The following PLXNB3 variants were observed in gnomAD, a reference collection of about 807,000 sequenced individuals.
The protein encoded by PLXNB3 is plexin B3.
A neutral mutation model predicts 125.7 loss-of-function variants in PLXNB3; 80 were observed. The observed-to-expected ratio is 0.64, with a 90% confidence interval of 0.53 to 0.77. The LOEUF (loss-of-function observed/expected upper bound fraction) is 0.77, where lower values mean the gene tolerates loss of function less well. Among genes scored for constraint, PLXNB3 ranks in the 30% least tolerant of loss-of-function variants. The pLI is 0.00. For missense variants in PLXNB3, 1,836 were observed against 1,729.3 expected (o/e 1.06, Z -1.09); for synonymous variants, 954 against 783.3 (o/e 1.22, Z -3.64).
At position 153,772,276 on chromosome X, in the gene PLXNB3, T is replaced by C; in HGVS notation, c.2764T>C (p.Phe922Leu). 8.3e-7 allele frequency: 1 copy of C among 1,200,881 alleles called. No homozygotes were observed. The highest frequency in any genetic ancestry group is 1.1e-6 in the Non-Finnish European group (1 of 886,971). The change falls in exon 16 of 36, where the codon TTC becomes CTC. Residue 922 changes from phenylalanine (F) to leucine (L), a missense_variant. Phe to Leu is a conservative substitution (Grantham distance 22). Transcript: ENST00000361971. The stretch of plus-strand genomic sequence containing the variant: ...GCCACCAGGCATCTCAAGCCAGCAC[T>C]TCACCTACCAGGTCAGTGGCCTCCC... ...SQPPGISSQH[F>L]TYQDPVLLSL...
At chrX:153,770,468 C>A (rs1557061292) in intron 9 of PLXNB3, 22 bp downstream of exon 9, 4 of 1,202,093 alleles carry the variant, frequency 3.3e-6, no homozygotes, top group Admixed American at 4.4e-5. Flanking sequence ...GGCCTGCCTC[C>A]TGGGGTAGGG....
chrX:153,772,607 G>A, intron 16 of PLXNB3: 3 of 784,768 alleles, frequency 3.8e-6, no homozygotes, highest in Non-Finnish European at 5.1e-6. Flanking sequence ...CAGGTCTGGG[G>A]GCTGTAAGCT....
chrX:153,774,113 C>T lies in PLXNB3; in HGVS notation c.3519+15C>T, dbSNP rs782748719. On this transcript the variant is annotated intron_variant, in intron 20 of 35. Coordinates refer to ENST00000361971, the MANE Select transcript of PLXNB3 (RefSeq NM_005393.3). ...TGGATGTGGAGGTGAGGGCCACCTTCAACCCTGCCCCGCCACGGTGCTCAG... is the reference window on the plus strand; with the variant it reads ...TGGATGTGGAGGTGAGGGCCACCTTTAACCCTGCCCCGCCACGGTGCTCAG... 1.7e-6 allele frequency: 2 copies of T among 1,188,622 alleles called. No individual in the cohort carries two copies. The highest frequency in any genetic ancestry group is 3.7e-5 in the South Asian group (2 of 54,679).
intron 25 of PLXNB3, 26 bp downstream of exon 25, chrX:153,775,429 CG>C (rs2148428674): frequency 8.4e-7 from 1 of 1,194,823 alleles, no homozygotes; most frequent in Non-Finnish European, 1.1e-6. Flanking sequence ...GACCCGGTGG[CG>C]GGGGTGAGGG....
chrX:153,771,685 A>T, intron 14 of PLXNB3, 30 bp downstream of exon 14: 1 of 1,157,273 alleles, frequency 8.6e-7, no homozygotes, highest in East Asian at 3.0e-5. Context: ...CCCACAGCCC[A>T]GTGGCCCACT....
rs781827670 is a variant in PLXNB3, at chrX:153,767,587, C to T, written c.760C>T (p.Arg254Trp). ...CTTCGTGTTCCGCCGCCGCGGGGCC[C>T]GGGCCCAGGCTGAGTACCGCTCCTA... is the stretch of plus-strand genomic sequence containing the variant. The part of the protein sequence containing the change: ...AYFVFRRRGA[R>W]AQAEYRSYVA... The change falls in exon 3 of 36, where the codon CGG (arginine) becomes TGG (tryptophan). Residue 254 changes from arginine (R) to tryptophan (W), a missense_variant. By Grantham distance (101) the Arg-to-Trp change is moderately radical (BLOSUM62 -3). Coordinates refer to ENST00000361971, the MANE Select transcript of PLXNB3 (RefSeq NM_005393.3). The T allele has an allele frequency of 2.6e-5, 31 of 1,174,825 alleles. No homozygotes were observed. Among genetic ancestry groups the T allele is most frequent in the African/African-American group, 3.5e-5 (2 of 56,746 alleles).
intron 4 of PLXNB3, 133 bp from the exon 5 acceptor site, chrX:153,768,815 G>A: frequency 8.3e-6 from 6 of 726,063 alleles, no homozygotes; most frequent in Non-Finnish European, 1.2e-5. Flanking sequence ...GGGAAGTGAT[G>A]TGTCCTCCCT....
intron 2 of PLXNB3, chrX:153,766,006 T>C: frequency 1.3e-6 from 1 of 752,384 alleles, no homozygotes; most frequent in African/African-American, 2.3e-5. Flanking sequence ...CAGCCAGCTC[T>C]CCTGGTCTGC....
In PLXNB3 at chrX:153,778,408, C is replaced by G; in HGVS notation, c.5487C>G (p.Asp1829Glu). The G allele has an allele frequency of 8.3e-7, 1 of 1,211,569 alleles. No homozygotes were observed. The highest frequency in any genetic ancestry group is 1.1e-6 in the Non-Finnish European group (1 of 895,437). Reference sequence around the variant, plus strand: ...TCTGCTCCTCCAGGTACTATGCGGACATTCGCCAGAGCTCTCCGGCGAGCT... The same window carrying G: ...TCTGCTCCTCCAGGTACTATGCGGAGATTCGCCAGAGCTCTCCGGCGAGCT... Reference protein sequence around the residue: ...YKQMVERYYADIRQSSPASYQ... With the variant: ...YKQMVERYYAEIRQSSPASYQ... Residue 1829 changes from aspartate (D) to glutamate (E), a missense_variant, in exon 34 of 36, where the codon GAC becomes GAG. By Grantham distance (45) the Asp-to-Glu change is conservative. Transcript: ENST00000361971.
rs1557061452 is a variant in PLXNB3 at position 153,770,645 on chromosome X, G to A, written c.2010+3G>A. ...GGACCATCTACAGCGCCCAGGAGGT[G>A]GGTGGGCCCGAACTTCGGGCAGAGA... On this transcript the variant is annotated splice_donor_region_variant and intron_variant, in intron 10 of 35. Coordinates refer to ENST00000361971, the MANE Select transcript of PLXNB3 (RefSeq NM_005393.3). The A allele has an allele frequency of 8.3e-7, 1 of 1,208,808 alleles. No individual in the cohort carries two copies. Among genetic ancestry groups the A allele is most frequent in the Admixed American group, 2.2e-5 (1 of 46,039 alleles).
In PLXNB3 at chrX:153,766,324, G is replaced by A. The variant is rs1557059170; in HGVS notation, c.46-549G>A. The A allele has an allele frequency of 4.3e-6, 5 of 1,154,804 alleles. No individual in the cohort carries two copies. The Admixed American group carries it at 1.3e-4, about 31-fold the overall frequency. Reference sequence around the variant, plus strand: ...CTTGCAGCCGGCCCTGGCTGCCCAAGGCAGGTTTTCTCTCCCTGTCTGGTC... The same window carrying A: ...CTTGCAGCCGGCCCTGGCTGCCCAAAGCAGGTTTTCTCTCCCTGTCTGGTC... On this transcript the variant is annotated intron_variant, in intron 2 of 35. Transcript: ENST00000361971.
At chrX:153,768,467 T>A (rs1313553775) in intron 4 of PLXNB3, 39 bp downstream of exon 4, 2 of 1,130,539 alleles carry the variant, frequency 1.8e-6, no homozygotes, top group Admixed American at 4.8e-5. Context: ...GGTGTGCCCC[T>A]GGCCACGGAG....
Position 153,767,077 on chromosome X carries a change from G to A in PLXNB3, c.250G>A (p.Glu84Lys), listed in dbSNP as rs781991732. 4.1e-6 allele frequency: 5 copies of A among 1,210,458 alleles called. No homozygotes were observed. The highest frequency in any genetic ancestry group is 3.0e-5 in the East Asian group (1 of 33,831). The change falls in exon 3 of 36, where the codon GAG (glutamate) becomes AAG (lysine). Residue 84 changes from glutamate to lysine, a missense_variant. Physicochemically the swap from Glu to Lys is moderately conservative, Grantham distance 56. Transcript: ENST00000361971. ...LFQLSPELQL[E>K]AVAVTGPVID... ...CCAGCTCAGCCCCGAGCTGCAGCTC[G>A]AGGCCGTGGCTGTCACTGGCCCTGT...
chrX:153,777,318 C>T lies in PLXNB3; in HGVS notation c.5038C>T (p.Arg1680Cys), dbSNP rs199536649. ...AKVRCSSLRE[R>C]EPARAKAIPE... The stretch of plus-strand genomic sequence containing the variant: ...GGTGCGGTGCAGCAGCCTGCGGGAG[C>T]GCGAGCCAGCAAGGGCCAAGGCCAT... Residue 1680 changes from arginine (R) to cysteine (C), a missense_variant, in exon 30 of 36, where the codon CGC (arginine) becomes TGC (cysteine). By Grantham distance (180) the Arg-to-Cys change is radical. Coordinates refer to ENST00000361971, the MANE Select transcript of PLXNB3 (RefSeq NM_005393.3). The T allele has an allele frequency of 8.3e-6, 10 of 1,205,236 alleles. No homozygotes were observed. The highest frequency in any genetic ancestry group is 6.6e-5 in the Admixed American group (3 of 45,781).
At chrX:153,766,357 G>A (rs1557059191) in intron 2 of PLXNB3, 4 of 1,127,717 alleles carry the variant, frequency 3.5e-6, no homozygotes, top group South Asian at 2.2e-5. Flanking sequence ...GTCCCTTGGG[G>A]CACACGGTGG....
At chrX:153,771,837 C>G in intron 14 of PLXNB3, 27 bp from the exon 15 acceptor site, 1 of 1,199,508 alleles carries the variant, frequency 8.3e-7, no homozygotes, top group South Asian at 1.8e-5. Context: ...GCGGGGGACC[C>G]CATCTGCCAT....
At chrX:153,769,321 C>G (rs1237134342) in intron 6 of PLXNB3, 59 bp downstream of exon 6, 5 of 976,352 alleles carry the variant, frequency 5.1e-6, no homozygotes, top group Non-Finnish European at 7.1e-6. Context: ...CACGAGGCTG[C>G]CCCTGGAAGT....
At chrX:153,765,808 G>C in intron 2 of PLXNB3, 3 of 754,543 alleles carry the variant, frequency 4.0e-6, no homozygotes, top group Non-Finnish European at 4.7e-6. Context: ...GAGTCGCAGC[G>C]GCCCCACTCC....
At position 153,767,616 on chromosome X, in the gene PLXNB3, G is replaced by A. The variant is rs2091873356; in HGVS notation, c.789G>A (p.Val263=). Residue 263 remains valine, a synonymous_variant, in exon 3 of 36, where the codon GTG becomes GTA. Coordinates refer to ENST00000361971, the MANE Select transcript of PLXNB3 (RefSeq NM_005393.3). The part of the protein sequence containing the change: ...ARAQAEYRSY[V]ARVCLGDTNL... ...CCCAGGCTGAGTACCGCTCCTACGT[G>A]GCCCGCGTCTGCCTGGGGGACACCA... The A allele has an allele frequency of 1.7e-6, 2 of 1,193,286 alleles. No individual in the cohort carries two copies. Among genetic ancestry groups the A allele is most frequent in the Non-Finnish European group, 2.3e-6 (2 of 886,934 alleles).
Sources: allele counts gnomAD v4.1 joint callset, GRCh38; gene constraint gnomAD v4.1.1; transcripts MANE v1.5; gene names NCBI Gene and HGNC (gene_info 2026-07-23, HGNC 2026-07-21).